The following GULP1 variants were observed in gnomAD, a reference collection of about 807,000 sequenced individuals.
GULP1 encodes the protein PTB domain-containing engulfment adapter protein 1.
Under a neutral mutation model 40.9 loss-of-function variants are expected in GULP1, and 19 were observed. The ratio of observed to expected loss-of-function variants is 0.46; its 90% confidence interval spans 0.32 to 0.68. The LOEUF is 0.68. GULP1 is among the 30% of genes least tolerant of loss of function. GULP1 has a pLI of 0.03. For missense variants in GULP1, 312 were observed against 362.2 expected, an observed-to-expected ratio of 0.86 and a Z score of 1.12; for synonymous variants, 119 against 117.6, an observed-to-expected ratio of 1.01 and a Z score of -0.08.
chr2:188,305,475 T>C (rs2036893132), intron 1 of GULP1, among the ~76,000 whole-genome samples: 1 of 152,028 alleles, frequency 6.6e-6, no homozygotes, highest in African/African-American at 2.4e-5. Context: ...TCCTTTAGGG[T>C]ATGGGGGAGG....
At chr2:188,466,108 G>A (rs2060091144) in intron 2 of GULP1, among the ~76,000 whole-genome samples, 1 of 152,038 alleles carries the variant, frequency 6.6e-6, no homozygotes, top group African/African-American at 2.4e-5. Context: ...TCTTCTGAAA[G>A]TGCAATGCAA....
rs2153474278 is a variant in GULP1 at position 188,589,868 on chromosome 2, C to A, written c.843+1919C>A. 3 of 476,832 alleles carry A rather than the reference C, an allele frequency of 6.3e-6. No homozygotes were observed. The East Asian group carries it at 1.0e-4, about 16-fold the overall frequency. 29.5% of individuals were successfully genotyped at this position (476,832 alleles called of 1,614,324 possible). On this transcript the variant is annotated intron_variant, in intron 11 of 11. Transcript: ENST00000409830. ...AAACAACAGCTTCATATGGGTATAT[C>A]TGATAATTAGTTATGTTTAGAGAGG...
At chr2:188,374,475 C>T (rs1166053287) in intron 1 of GULP1, among the ~76,000 whole-genome samples, 4 of 152,064 alleles carry the variant, frequency 2.6e-5, no homozygotes, top group East Asian at 1.9e-4. Flanking sequence ...ATTTATTTCT[C>T]TCTCATAGCT....
intron 4 of GULP1, among the ~76,000 whole-genome samples, chr2:188,514,842 A>G (rs181935832): frequency 2.5e-4 from 38 of 152,326 alleles, no homozygotes; most frequent in South Asian, 8.3e-4. Context: ...ATATTTGTCA[A>G]AATTCCCTTT....
At chr2:188,350,070 G>A (rs992765270) in intron 1 of GULP1, among the ~76,000 whole-genome samples, 2 of 152,076 alleles carry the variant, frequency 1.3e-5, no homozygotes, top group Admixed American at 1.3e-4. Context: ...TGATGTATAG[G>A]CCTAGATTTA....
intron 1 of GULP1, among the ~76,000 whole-genome samples, chr2:188,382,153 A>C (rs1389821777): frequency 2.0e-5 from 3 of 152,190 alleles, no homozygotes; most frequent in African/African-American, 4.8e-5. Context: ...TCTAATGCTT[A>C]TCCTGCATTT....
At chr2:188,510,969 G>A (rs2064467788) in intron 4 of GULP1, among the ~76,000 whole-genome samples, 1 of 152,070 alleles carries the variant, frequency 6.6e-6, no homozygotes, top group Non-Finnish European at 1.5e-5. Context: ...TTTGCTTGAT[G>A]TGGCTGTTAT....
chr2:188,570,819 T>G (rs1051871617), intron 9 of GULP1, among the ~76,000 whole-genome samples: 2 of 152,226 alleles, frequency 1.3e-5, no homozygotes, highest in African/African-American at 4.8e-5. Context: ...TCTGTACTAC[T>G]GATATTCTTT....
chr2:188,526,217 A>G (rs1317837052), intron 5 of GULP1, among the ~76,000 whole-genome samples: 1 of 152,160 alleles, frequency 6.6e-6, no homozygotes, highest in East Asian at 1.9e-4. Context: ...CTTCCCCATC[A>G]TTTTATGATG....
At chr2:188,391,440 G>A (rs960896244) in intron 2 of GULP1, among the ~76,000 whole-genome samples, 16 of 152,012 alleles carry the variant, frequency 1.1e-4, no homozygotes, top group Non-Finnish European at 2.2e-4. Context: ...CAGTGCTACT[G>A]ATTTGTGTAA....
At position 188,362,481 on chromosome 2, in the gene GULP1, T is replaced by C. The variant is rs562002196; in HGVS notation, c.-171-21282T>C. On this transcript the variant is annotated intron_variant, in intron 1 of 11. Coordinates refer to ENST00000409830, the MANE Select transcript of GULP1 (RefSeq NM_016315.4). ...GATGCCTTACTCACCTGCACATGTT[T>C]ATAAACAAAACAAAACAGTGGAAGA... Among the ~76,000 whole-genome samples, 23 of 152,244 alleles carry C rather than the reference T, an allele frequency of 1.5e-4. No homozygotes were observed. The East Asian group carries it at 4.4e-3, about 29-fold the overall frequency.
At chr2:188,574,433 A>G (rs1188782211) in intron 9 of GULP1, among the ~76,000 whole-genome samples, 1 of 151,964 alleles carries the variant, frequency 6.6e-6, no homozygotes, top group Non-Finnish European at 1.5e-5. Flanking sequence ...AGACCAGCCT[A>G]GGCAACATGG....
intron 1 of GULP1, among the ~76,000 whole-genome samples, chr2:188,310,872 T>C (rs1301442340): frequency 6.6e-6 from 1 of 152,186 alleles, no homozygotes; most frequent in African/African-American, 2.4e-5. Flanking sequence ...CTAAACTAGA[T>C]CATTTTAGAA....
intron 2 of GULP1, among the ~76,000 whole-genome samples, chr2:188,430,719 C>T (rs954675082): frequency 3.3e-5 from 5 of 152,122 alleles, no homozygotes; most frequent in Non-Finnish European, 7.4e-5. Flanking sequence ...CATGTGGATC[C>T]TAGAAACCAA....
At position 188,594,090 on chromosome 2, in the gene GULP1, G is replaced by C; in HGVS notation, c.*79G>C. The C allele has an allele frequency of 1.3e-6, 1 of 769,296 alleles. No individual in the cohort carries two copies. Among genetic ancestry groups the C allele is most frequent in the Non-Finnish European group, 2.2e-6 (1 of 454,752 alleles). 47.7% of individuals were successfully genotyped at this position (769,296 alleles called of 1,614,324 possible). Reference sequence around the variant, plus strand: ...ATTTATTATTATTACTTTAAGATAGGTATTATTCATGTGTCAATGTTTTTG... The same window carrying C: ...ATTTATTATTATTACTTTAAGATAGCTATTATTCATGTGTCAATGTTTTTG... On this transcript the variant is annotated 3_prime_UTR_variant, in exon 12 of 12. Coordinates refer to ENST00000409830, the MANE Select transcript of GULP1 (RefSeq NM_016315.4).
At chr2:188,384,447 T>C (rs910351586) in intron 2 of GULP1, 1 of 152,138 alleles carries the variant, frequency 6.6e-6, no homozygotes, top group Non-Finnish European at 1.5e-5. Context: ...CCACAACATG[T>C]GGGAATTGTG....
intron 2 of GULP1, among the ~76,000 whole-genome samples, chr2:188,448,976 C>CT (rs2058621915): frequency 6.6e-6 from 1 of 152,158 alleles, no homozygotes; most frequent in African/African-American, 2.4e-5. Context: ...CAGTGCCATG[C>CT]TTGGACAGCC....
At position 188,501,421 on chromosome 2, in the gene GULP1, C is replaced by T. The variant is rs144194033; in HGVS notation, c.90+17929C>T. On this transcript the variant is annotated intron_variant, in intron 4 of 11. Coordinates refer to ENST00000409830, the MANE Select transcript of GULP1 (RefSeq NM_016315.4). The stretch of plus-strand genomic sequence containing the variant: ...GTGGAACTGTGAGTGGGTTAAACCT[C>T]TTTTCTTTATAAATTACTCAGTCTC... Among the ~76,000 whole-genome samples the T allele has an allele frequency of 2.8e-4, 43 of 152,038 alleles. No homozygotes were observed. In the East Asian group the frequency reaches 7.6e-3, roughly 27 times the overall value.
At chr2:188,399,709 A>AAC (rs2051896179) in intron 2 of GULP1, among the ~76,000 whole-genome samples, 1 of 150,206 alleles carries the variant, frequency 6.7e-6, no homozygotes, top group Non-Finnish European at 1.5e-5. Flanking sequence ...AAAAAAAAAA[A>AAC]AAAAACATCA....
Sources: gnomAD v4.1 joint callset for allele counts (sites outside exome capture counted in the v4.1 genomes callset) on GRCh38, gnomAD v4.1.1 for gene constraint, MANE v1.5 for transcripts, NCBI Gene and HGNC (gene_info 2026-07-23, HGNC 2026-07-21) for gene names.